Variants in SULF2 observed in about 807,000 individuals in gnomAD.
SULF2 encodes the protein extracellular sulfatase Sulf-2.
A neutral mutation model predicts 107.7 loss-of-function variants in SULF2; 52 were observed. The ratio of observed to expected loss-of-function variants is 0.48; its 90% CI spans 0.39 to 0.61. The LOEUF is 0.61. Ranked by LOEUF, SULF2 falls within the 20% of genes least tolerant of loss-of-function variation. The probability of loss-of-function intolerance (pLI) is 0.00; values close to 1 mark genes in which losing one functional copy is unlikely to be tolerated. For synonymous variants in SULF2, 460 were observed against 464.3 expected (o/e 0.99, Z 0.12); for missense variants, 993 against 1,177.3 (o/e 0.84, Z 2.29).
chr20:47,784,601 G>T (rs142694181), intron 1 of SULF2, among the ~76,000 whole-genome samples: 1 of 152,142 alleles, frequency 6.6e-6, no homozygotes, highest in Non-Finnish European at 1.5e-5. Flanking sequence ...CTTCTGGCGC[G>T]CAGGAGCCAG....
rs767349399 is a variant in SULF2, at chr20:47,684,415, T to C, written c.888+16A>G. Reference sequence around the variant, plus strand: ...TCGGAGCCACGCCCACCAAGAGGCATGCAGCGGGCGCCTACCGTCTCCATG... The same window carrying C: ...TCGGAGCCACGCCCACCAAGAGGCACGCAGCGGGCGCCTACCGTCTCCATG... On this transcript the variant is annotated intron_variant, in intron 6 of 20. Coordinates refer to ENST00000688720, the MANE Select transcript of SULF2 (RefSeq NM_001387048.1). 3 of 1,597,470 alleles carry C rather than the reference T, an allele frequency of 1.9e-6. No homozygotes were observed. The highest frequency in any genetic ancestry group is 2.7e-5 in the African/African-American group (2 of 74,150).
intron 14 of SULF2, 52 bp from the exon 15 acceptor site, chr20:47,664,241 G>A (rs957856705): frequency 1.4e-5 from 22 of 1,550,708 alleles, no homozygotes; most frequent in Non-Finnish European, 1.2e-5. Flanking sequence ...AGAGGGCTCC[G>A]CTGGCAGGTG....
At chr20:47,674,160 A>G (rs981347189) in intron 10 of SULF2, among the ~76,000 whole-genome samples, 6 of 152,192 alleles carry the variant, frequency 3.9e-5, no homozygotes, top group African/African-American at 4.8e-5. Context: ...AGCCCAAACT[A>G]TTTACTGTCT....
intron 1 of SULF2, among the ~76,000 whole-genome samples, chr20:47,772,083 TAA>T (rs1292094133): frequency 6.6e-6 from 1 of 152,234 alleles, no homozygotes; most frequent in Non-Finnish European, 1.5e-5. Context: ...AATGAATTTT[TAA>T]AAGTCTGGTA....
chr20:47,745,401 AAAAAAAAAAATATATAT>A (rs2089997197), intron 2 of SULF2, among the ~76,000 whole-genome samples: 7 of 38,752 alleles, frequency 1.8e-4, no homozygotes, highest in South Asian at 1.1e-3. Flanking sequence ...AAAAAAAAAA[AAAAAAAAAAATATATAT>A]ATATATATAT....
intron 1 of SULF2, among the ~76,000 whole-genome samples, chr20:47,770,497 T>C (rs939554819): frequency 6.6e-6 from 1 of 152,192 alleles, no homozygotes; most frequent in African/African-American, 2.4e-5. Context: ...TTTCTGAATA[T>C]TGTTCAGTGA....
chr20:47,743,394 G>A (rs1484884992), intron 2 of SULF2, among the ~76,000 whole-genome samples: 2 of 151,916 alleles, frequency 1.3e-5, no homozygotes, highest in Admixed American at 6.6e-5. Context: ...CTGCAGCCTC[G>A]ACCTCCCCAG....
intron 8 of SULF2, among the ~76,000 whole-genome samples, chr20:47,677,389 C>T (rs1397421091): frequency 4.7e-5 from 7 of 149,098 alleles, no homozygotes; most frequent in Non-Finnish European, 1.0e-4. Context: ...CTGTAAGTCC[C>T]ACCCAAGTAA....
intron 18 of SULF2, chr20:47,661,572 A>G (rs2076549): frequency 0.34 from 143,388 of 419,114 alleles, 27,235 homozygotes; most frequent in East Asian, 0.64. Context: ...CAGTTGGTGC[A>G]GGTGTTCCTC....
At position 47,676,623 on chromosome 20, in the gene SULF2, G is replaced by C; in HGVS notation, c.1251C>G (p.Gly417=). ...VWRDSFLVER[G]KLLHKRDNDK... is the part of the protein sequence containing the mutation. ...CATTGTCTCTCTTGTGTAGCAGCTT[G>C]CTATGGGGCAGAGAGCAGGAGCCGC... Residue 417 remains glycine, a splice_region_variant and synonymous_variant, in exon 10 of 21, where the codon GGC becomes GGG. Coordinates refer to ENST00000688720, the MANE Select transcript of SULF2 (RefSeq NM_001387048.1). 8 of 1,550,890 alleles carry C rather than the reference G, an allele frequency of 5.2e-6. No individual in the cohort carries two copies. Among genetic ancestry groups the C allele is most frequent in the Non-Finnish European group, 6.1e-6 (7 of 1,147,660 alleles).
intron 3 of SULF2, among the ~76,000 whole-genome samples, chr20:47,710,268 G>A (rs978537437): frequency 9.4e-5 from 14 of 148,542 alleles, no homozygotes; most frequent in African/African-American, 2.6e-4. Context: ...GAACTCCTGG[G>A]CTCAAGTGAT....
chr20:47,729,674 G>A (rs927317704), intron 3 of SULF2, among the ~76,000 whole-genome samples: 1 of 152,230 alleles, frequency 6.6e-6, no homozygotes, highest in Non-Finnish European at 1.5e-5. Context: ...TGTGAGAGGC[G>A]CCGGGGAGGC....
intron 3 of SULF2, among the ~76,000 whole-genome samples, chr20:47,722,066 C>CA (rs1195678884): frequency 6.6e-6 from 1 of 152,152 alleles, no homozygotes; most frequent in Non-Finnish European, 1.5e-5. Flanking sequence ...CTAATAAAGC[C>CA]AACCCAATGA....
At chr20:47,717,873 C>T (rs1000936737) in intron 3 of SULF2, among the ~76,000 whole-genome samples, 1 of 146,854 alleles carries the variant, frequency 6.8e-6, no homozygotes, top group Non-Finnish European at 1.5e-5. Flanking sequence ...GAGTTCAGTG[C>T]TGCGATCTCG....
chr20:47,709,050 A>T (rs556975401), intron 3 of SULF2, among the ~76,000 whole-genome samples: 1 of 152,338 alleles, frequency 6.6e-6, no homozygotes, highest in African/African-American at 2.4e-5. Context: ...AGGCACTTTT[A>T]AAAATGGTTA....
At chr20:47,711,515 G>A (rs913134480) in intron 3 of SULF2, among the ~76,000 whole-genome samples, 1 of 152,212 alleles carries the variant, frequency 6.6e-6, no homozygotes, top group Non-Finnish European at 1.5e-5. Context: ...TCTCCCCCAC[G>A]ACGGGCCATC....
At chr20:47,724,117 C>T (rs1182476088) in intron 3 of SULF2, among the ~76,000 whole-genome samples, 1 of 152,182 alleles carries the variant, frequency 6.6e-6, no homozygotes, top group Admixed American at 6.5e-5. Context: ...ACACCCAGGC[C>T]AAACAAGGTC....
At chr20:47,747,567 C>A (rs935728831) in intron 2 of SULF2, among the ~76,000 whole-genome samples, 1 of 152,134 alleles carries the variant, frequency 6.6e-6, no homozygotes, top group African/African-American at 2.4e-5. Flanking sequence ...ATTCCTCTAA[C>A]TCAAAATGCT....
At chr20:47,770,221 C>T (rs1477083305) in intron 1 of SULF2, among the ~76,000 whole-genome samples, 2 of 151,834 alleles carry the variant, frequency 1.3e-5, no homozygotes, top group African/African-American at 2.4e-5. Context: ...CAACCATGCC[C>T]GATTACTTTT....
Sources: allele counts gnomAD v4.1 joint callset (sites outside exome capture counted in the v4.1 genomes callset), GRCh38; gene constraint gnomAD v4.1.1; transcripts MANE v1.5; gene names NCBI Gene and HGNC (gene_info 2026-07-23, HGNC 2026-07-21).